The following CSNK1G3 variants were observed in gnomAD, a reference collection of about 807,000 sequenced individuals.
CSNK1G3 encodes casein kinase 1 gamma 3, also known as casein kinase I isoform gamma-3.
A neutral mutation model predicts 64.3 loss-of-function variants in CSNK1G3; 23 were observed. The observed-to-expected ratio is 0.36, with a 90% confidence interval of 0.26 to 0.51. The LOEUF (loss-of-function observed/expected upper bound fraction) is 0.51. CSNK1G3 is among the 20% of genes least tolerant of loss of function. CSNK1G3 has a pLI of 0.96. For missense variants in CSNK1G3, 357 were observed against 510.5 expected, an observed-to-expected ratio of 0.70 and a Z score of 2.90; for synonymous variants, 158 against 162.2, an observed-to-expected ratio of 0.97 and a Z score of 0.20.
chr5:123,573,362 A>G (rs1469901585), intron 4 of CSNK1G3, 31 bp from the exon 5 acceptor site: 1 of 1,604,528 alleles, frequency 6.2e-7, no homozygotes, highest in Non-Finnish European at 8.5e-7. Context: ...AAGATGATGA[A>G]ATTATTAAAT....
chr5:123,593,544 A>G (rs1276765349), intron 10 of CSNK1G3, among the ~76,000 whole-genome samples: 1 of 151,956 alleles, frequency 6.6e-6, no homozygotes, highest in African/African-American at 2.4e-5. Flanking sequence ...CTATATTCTT[A>G]GAGAGTTCCA....
At chr5:123,594,003 T>C (rs1792936686) in intron 10 of CSNK1G3, among the ~76,000 whole-genome samples, 2 of 152,042 alleles carry the variant, frequency 1.3e-5, no homozygotes, top group Non-Finnish European at 2.9e-5. Context: ...CTAGGTAGTA[T>C]TATTGGAAGA....
intron 1 of CSNK1G3, among the ~76,000 whole-genome samples, chr5:123,532,197 C>T (rs917355957): frequency 6.6e-6 from 1 of 151,694 alleles, no homozygotes; most frequent in Non-Finnish European, 1.5e-5. Context: ...TTTGTTTTTG[C>T]CTGACTACTA....
chr5:123,584,690 G>C (rs1165895364), intron 6 of CSNK1G3, among the ~76,000 whole-genome samples: 1 of 152,062 alleles, frequency 6.6e-6, no homozygotes, highest in Non-Finnish European at 1.5e-5. Flanking sequence ...TGTTTAATAG[G>C]ATTCAGTAGC....
chr5:123,538,807 A>G (rs890706709), intron 1 of CSNK1G3, among the ~76,000 whole-genome samples: 1 of 152,136 alleles, frequency 6.6e-6, no homozygotes, highest in Non-Finnish European at 1.5e-5. Flanking sequence ...AATTTAGCCC[A>G]TTTGGAAGTG....
intron 2 of CSNK1G3, among the ~76,000 whole-genome samples, chr5:123,547,627 GCTT>G (rs1431941613): frequency 1.4e-4 from 22 of 152,026 alleles, no homozygotes; most frequent in Admixed American, 1.4e-3. Context: ...GAGTATCGTG[GCTT>G]CTTAGTACAT....
rs569593775 is a variant in CSNK1G3 at position 123,545,828 on chromosome 5, A to G, written c.165A>G (p.Gly55=). 4 of 1,613,130 alleles carry G rather than the reference A, an allele frequency of 2.5e-6. 1 individual carries two copies. The South Asian group carries it at 4.4e-5, about 18-fold the overall frequency. The change falls in exon 2 of 13, where the codon GGA becomes GGG. Residue 55 remains glycine (G), a synonymous_variant. Transcript: ENST00000345990. Reference sequence around the variant, plus strand: ...AAAAAATTGGATGTGGCAATTTTGGAGAATTACGATTAGGTAAGACTATTT... The same window carrying G: ...AAAAAATTGGATGTGGCAATTTTGGGGAATTACGATTAGGTAAGACTATTT...
rs564188115 is a variant in CSNK1G3, at chr5:123,552,881, ATCTGTAGTG to A, written c.179-219_179-211del. The stretch of plus-strand genomic sequence containing the variant: ...CCATTTTTATAAGTGGGCTACTAGT[ATCTGTAGTG>A]TCTGTATCACTTTCTACTCTGAATC... On this transcript the variant is annotated intron_variant, in intron 2 of 12. Transcript: ENST00000345990. 1,038 of 295,552 alleles carry A rather than the reference ATCTGTAGTG, an allele frequency of 3.5e-3. 5 individuals are homozygous for A. Among genetic ancestry groups the A allele is most frequent in the Non-Finnish European group, 5.6e-3 (867 of 155,214 alleles). The allele number at this position is 295,552 out of a possible 1,614,324, so 18.3% of individuals were successfully genotyped here.
chr5:123,527,637 G>A (rs1234334421), intron 1 of CSNK1G3, among the ~76,000 whole-genome samples: 5 of 152,088 alleles, frequency 3.3e-5, no homozygotes, highest in African/African-American at 1.2e-4. Context: ...CTATGTATTA[G>A]TAGTTATATA....
At chr5:123,562,682 TTATCC>T (rs1786003489) in intron 4 of CSNK1G3, among the ~76,000 whole-genome samples, 1 of 152,102 alleles carries the variant, frequency 6.6e-6, no homozygotes, top group African/African-American at 2.4e-5. Context: ...TTCATTTGTA[TTATCC>T]TATGATTAGG....
At chr5:123,548,939 T>G (rs747140402) in intron 2 of CSNK1G3, among the ~76,000 whole-genome samples, 14 of 152,218 alleles carry the variant, frequency 9.2e-5, no homozygotes, top group Non-Finnish European at 1.5e-4. Context: ...CAATATTGGT[T>G]GTTTACTCTC....
chr5:123,580,542 A>G (rs946210636), intron 6 of CSNK1G3, among the ~76,000 whole-genome samples: 1 of 151,964 alleles, frequency 6.6e-6, no homozygotes, highest in Non-Finnish European at 1.5e-5. Flanking sequence ...TGCAATCTTG[A>G]TAAAGCTTTA....
exon 6 of CSNK1G3, chr5:123,575,837 A>G (rs1789054124): frequency 2.5e-6 from 4 of 1,613,668 alleles, no homozygotes; most frequent in East Asian, 2.2e-5. Context: ...AGTTATTCAC[A>G]TTATAGATTT....
At chr5:123,610,062 A>G (rs1208532974) in intron 12 of CSNK1G3, among the ~76,000 whole-genome samples, 1 of 152,184 alleles carries the variant, frequency 6.6e-6, no homozygotes, top group Non-Finnish European at 1.5e-5. Flanking sequence ...TTTGAAAGTC[A>G]TTTCAGACTT....
chr5:123,512,467 G>C (rs1398725596), exon 1 of CSNK1G3: 1 of 151,182 alleles, frequency 6.6e-6, no homozygotes, highest in East Asian at 2.0e-4. Context: ...TCCGGCCGCC[G>C]GCGGGTGTGA....
intron 4 of CSNK1G3, among the ~76,000 whole-genome samples, chr5:123,570,613 C>T (rs1390318034): frequency 6.6e-6 from 1 of 152,164 alleles, no homozygotes; most frequent in East Asian, 1.9e-4. Flanking sequence ...GCCTCAGCCT[C>T]CCAAAGTCCT....
At chr5:123,616,705 A>G (rs1189080529) in exon 13 of CSNK1G3, 1 of 152,618 alleles carries the variant, frequency 6.6e-6, no homozygotes, top group Non-Finnish European at 1.5e-5. Flanking sequence ...GAATAATGAA[A>G]CACATCCCTG....
At chr5:123,610,120 A>G (rs1206095369) in intron 12 of CSNK1G3, among the ~76,000 whole-genome samples, 1 of 152,090 alleles carries the variant, frequency 6.6e-6, no homozygotes, top group Non-Finnish European at 1.5e-5. Context: ...GGAGATGAAG[A>G]TGGGCCTGCA....
At chr5:123,516,937 G>T (rs983780037) in intron 1 of CSNK1G3, among the ~76,000 whole-genome samples, 1 of 151,742 alleles carries the variant, frequency 6.6e-6, no homozygotes, top group African/African-American at 2.4e-5. Flanking sequence ...GCTACATTTG[G>T]AAAAAAAGGG....
Sources: gnomAD v4.1 joint callset for allele counts (sites outside exome capture counted in the v4.1 genomes callset) on GRCh38, gnomAD v4.1.1 for gene constraint, MANE v1.5 for transcripts, NCBI Gene and HGNC (gene_info 2026-07-23, HGNC 2026-07-21) for gene names.